GNRHR: variants seen among roughly 807,000 people sequenced by gnomAD.
The protein encoded by GNRHR is gonadotropin releasing hormone receptor.
A neutral mutation model predicts 28.1 loss-of-function variants in GNRHR; 14 were observed. The observed-to-expected ratio is 0.50, with a 90% CI of 0.33 to 0.78. The LOEUF (loss-of-function observed/expected upper bound fraction) is 0.78, where lower values mean the gene tolerates loss of function less well. Ranked by LOEUF, GNRHR falls within the 30% of genes least tolerant of loss-of-function variation. GNRHR has a pLI of 0.02. For synonymous variants in GNRHR, 141 were observed against 140.5 expected (o/e 1.00, Z -0.02); for missense variants, 366 against 382.1 (o/e 0.96, Z 0.35).
At position 67,740,716 on chromosome 4, in the gene GNRHR, G is replaced by T; in HGVS notation, c.751C>A (p.Leu251Met). The T allele has an allele frequency of 6.2e-7, 1 of 1,609,794 alleles. No individual in the cohort carries two copies. Among genetic ancestry groups the T allele is most frequent in the Middle Eastern group, 1.7e-4 (1 of 6,058 alleles). ...GGTATATTGTTCTTGGACTGATTCAGTTGTAGTTCTGTTGGATAGAGAAAA... is the reference window on the plus strand; with the variant it reads ...GGTATATTGTTCTTGGACTGATTCATTTGTAGTTCTGTTGGATAGAGAAAA... ...VLHQDPHELQ[L>M]NQSKNNIPRA... is the part of the protein sequence containing the mutation. The change falls in exon 3 of 3, where the codon CTG (leucine) becomes ATG (methionine). Residue 251 changes from leucine (L) to methionine (M), a missense_variant. Physicochemically the swap from Leu to Met is conservative, Grantham distance 15. Coordinates refer to ENST00000226413, the MANE Select transcript of GNRHR (RefSeq NM_000406.3).
intron 1 of GNRHR, among the ~76,000 whole-genome samples, chr4:67,747,650 C>A (rs1395256633): frequency 6.6e-6 from 1 of 151,988 alleles, no homozygotes; most frequent in African/African-American, 2.4e-5. Flanking sequence ...ATGAAACTTT[C>A]AATTAGCAAT....
In GNRHR at chr4:67,744,618, T is replaced by C; in HGVS notation, c.692A>G (p.Asn231Ser). Residue 231 changes from asparagine to serine, a missense_variant, in exon 2 of 3, where the codon AAT becomes AGT. Physicochemically the swap from Asn to Ser is conservative, Grantham distance 46. Transcript: ENST00000226413. ...IIPLFIMLIC[N>S]AKIIFTLTRV... ...TGTCAGGGTGAAGATGATTTTTGCA[T>C]TGCAGATCAGCATGATGAAAAGAGG... The C allele has an allele frequency of 1.2e-6, 2 of 1,613,600 alleles. No homozygotes were observed. Among genetic ancestry groups the C allele is most frequent in the East Asian group, 2.2e-5 (1 of 44,874 alleles).
intron 1 of GNRHR, among the ~76,000 whole-genome samples, chr4:67,746,881 T>C (rs1289563129): frequency 2.0e-5 from 3 of 152,132 alleles, no homozygotes; most frequent in East Asian, 1.9e-4. Flanking sequence ...TGATTTTAAA[T>C]TCATCCACTA....
Position 67,740,149 on chromosome 4 carries a change from G to T in GNRHR, c.*331C>A, listed in dbSNP as rs1235378015. The T allele has an allele frequency of 1.2e-5, 3 of 251,108 alleles. No individual in the cohort carries two copies. The highest frequency in any genetic ancestry group is 2.3e-5 in the African/African-American group (1 of 43,780). The allele number at this position is 251,108 out of a possible 1,614,324, so 15.6% of individuals were successfully genotyped here. On this transcript the variant is annotated 3_prime_UTR_variant, in exon 3 of 3. Transcript: ENST00000226413. ...TCACCTTTGTTTTTTTGGCATCCTT[G>T]TGCCTTAGGCTGAAGGTATTTTAAA...
intron 2 of GNRHR, among the ~76,000 whole-genome samples, chr4:67,742,891 G>C (rs1461441354): frequency 6.6e-6 from 1 of 151,952 alleles, no homozygotes; most frequent in Non-Finnish European, 1.5e-5. Flanking sequence ...ACTGATTATG[G>C]ATTTTTAGCA....
chr4:67,750,755 A>ATTT (rs1731851230), intron 1 of GNRHR, among the ~76,000 whole-genome samples: 1 of 152,082 alleles, frequency 6.6e-6, no homozygotes, highest in East Asian at 1.9e-4. Flanking sequence ...GAAAATCGGT[A>ATTT]TGTGCACCAA....
Sources: gnomAD v4.1 joint callset for allele counts (sites outside exome capture counted in the v4.1 genomes callset) on GRCh38, gnomAD v4.1.1 for gene constraint, MANE v1.5 for transcripts, NCBI Gene and HGNC (gene_info 2026-07-23, HGNC 2026-07-21) for gene names.